COL5A2: variants seen among roughly 807,000 people sequenced by gnomAD.
The protein encoded by COL5A2 is collagen alpha-2(V) chain.
COL5A2 carries 23 observed loss-of-function variants against 208.2 expected under a neutral mutation model. The observed-to-expected ratio is 0.11, with a 90% CI of 0.08 to 0.16. The LOEUF (loss-of-function observed/expected upper bound fraction) is 0.16. COL5A2 is among the 10% of genes least tolerant of loss of function. The pLI is 1.00. For missense variants in COL5A2, 1,590 were observed against 1,956.4 expected (o/e 0.81, Z 3.53); for synonymous variants, 625 against 628.5 (o/e 0.99, Z 0.08).
chr2:189,311,302 T>C, the COL5A2 span: 3 of 1,272,412 alleles, frequency 2.4e-6, no homozygotes, highest in African/African-American at 2.9e-5. Context: ...CAGACACCAC[T>C]TGGCCATCCA....
At chr2:189,115,407 G>GAAAA (rs35939845) in intron 1 of COL5A2, among the ~76,000 whole-genome samples, 1 of 142,644 alleles carries the variant, frequency 7.0e-6, no homozygotes, top group South Asian at 2.3e-4. Flanking sequence ...ACCTGTGGGG[G>GAAAA]AAAAAAAAAA....
intron 11 of COL5A2, among the ~76,000 whole-genome samples, 183 bp from the exon 12 acceptor site, chr2:189,084,220 T>C (rs1227142827): frequency 6.6e-6 from 1 of 152,222 alleles, no homozygotes; most frequent in East Asian, 1.9e-4. Context: ...CTGATAGTAC[T>C]CCATTCTATC....
chr2:189,063,125 A>G (rs1686071294), intron 27 of COL5A2, 47 bp downstream of exon 27: 2 of 1,608,838 alleles, frequency 1.2e-6, no homozygotes, highest in East Asian at 2.2e-5. Flanking sequence ...ACCTCCTCCA[A>G]ATGAGGATCA....
chr2:189,420,101 A>G, the COL5A2 span, among the ~76,000 whole-genome samples: 34 of 146,358 alleles, frequency 2.3e-4, no homozygotes, highest in Non-Finnish European at 4.7e-4. Context: ...GGAAGGAAGG[A>G]AGGAAGGGAG....
chr2:189,138,919 C>T (rs1687878052), intron 1 of COL5A2, among the ~76,000 whole-genome samples: 1 of 152,174 alleles, frequency 6.6e-6, no homozygotes, highest in Non-Finnish European at 1.5e-5. Flanking sequence ...TAGAATAGGA[C>T]AAATCTCCTA....
the COL5A2 span, among the ~76,000 whole-genome samples, chr2:189,293,510 C>T: frequency 2.6e-5 from 4 of 152,126 alleles, no homozygotes; most frequent in Admixed American, 2.6e-4. Flanking sequence ...CTGCGTCTCC[C>T]CAGAATTGTG....
At chr2:189,150,243 A>C (rs1318498802) in intron 1 of COL5A2, among the ~76,000 whole-genome samples, 2 of 152,174 alleles carry the variant, frequency 1.3e-5, no homozygotes, top group African/African-American at 4.8e-5. Context: ...TGTTTACTGT[A>C]TTACAATCGT....
chr2:189,413,600 C>T, the COL5A2 span, among the ~76,000 whole-genome samples: 1 of 151,936 alleles, frequency 6.6e-6, no homozygotes, highest in Non-Finnish European at 1.5e-5. Flanking sequence ...GAACCTTTCA[C>T]AGCGAAGTAC....
the COL5A2 span, among the ~76,000 whole-genome samples, chr2:189,428,902 A>G: frequency 6.6e-6 from 1 of 152,232 alleles, no homozygotes; most frequent in East Asian, 1.9e-4. Context: ...CAACTTAAAA[A>G]GTCAATGTCA....
chr2:189,140,581 T>C (rs985879758), intron 1 of COL5A2, among the ~76,000 whole-genome samples: 5 of 152,188 alleles, frequency 3.3e-5, no homozygotes, highest in African/African-American at 1.2e-4. Flanking sequence ...AGAAAGAGAA[T>C]AGGGAAGTTG....
Position 189,207,244 on chromosome 2 carries a change from T to C in COL5A2, c.-42+17904A>G, listed in dbSNP as rs1157536341. Among the ~76,000 whole-genome samples the C allele has an allele frequency of 2.0e-5, 3 of 152,190 alleles. No homozygotes were observed. In the East Asian group the frequency reaches 5.8e-4, roughly 29 times the overall value. On this transcript the variant is annotated intron_variant, in intron 1 of 10. Transcript: ENST00000649966. ...AATTGGAGTTTCATATTATGGTATT[T>C]TCAAAAATTGGCTGCATTTTCTCAT... is the stretch of plus-strand genomic sequence containing the variant.
At chr2:189,258,727 C>T in the COL5A2 span, among the ~76,000 whole-genome samples, 1 of 151,916 alleles carries the variant, frequency 6.6e-6, no homozygotes, top group African/African-American at 2.4e-5. Flanking sequence ...CCTCTTTCAC[C>T]TAAAAGAGGA....
intron 53 of COL5A2, 110 bp from the exon 54 acceptor site, chr2:189,034,326 T>C: frequency 2.7e-6 from 3 of 1,122,800 alleles, no homozygotes; most frequent in South Asian, 1.3e-5. Flanking sequence ...ATTTTTAGAG[T>C]ACTACTTAAA....
upstream of COL5A2, among the ~76,000 whole-genome samples, chr2:189,226,089 CT>C (rs1405230117): frequency 5.9e-5 from 9 of 152,258 alleles, no homozygotes; most frequent in African/African-American, 1.9e-4. Flanking sequence ...CACATAAACA[CT>C]TCAGTTATGT....
intron 21 of COL5A2, 88 bp downstream of exon 21, chr2:189,067,927 G>A: frequency 9.2e-7 from 1 of 1,089,876 alleles, no homozygotes; most frequent in Non-Finnish European, 1.4e-6. Flanking sequence ...CGTTATCTAT[G>A]TTTCATTGCA....
intron 1 of COL5A2, among the ~76,000 whole-genome samples, chr2:189,112,285 G>T (rs918826643): frequency 1.3e-5 from 2 of 152,020 alleles, no homozygotes; most frequent in Non-Finnish European, 2.9e-5. Context: ...CATGAACTTT[G>T]TACTTCATAA....
chr2:189,065,022 A>G lies in COL5A2; in HGVS notation c.1599T>C (p.Asp533=). 6.2e-7 allele frequency: 1 copy of G among 1,613,888 alleles called. No homozygotes were observed. The highest frequency in any genetic ancestry group is 1.1e-5 in the South Asian group (1 of 91,042). Reference sequence around the variant, plus strand: ...ACCTCACCTTTGGCCCAGGTAAACCATCAGAGCCTGGAAAACCACGATTGC... The same window carrying G: ...ACCTCACCTTTGGCCCAGGTAAACCGTCAGAGCCTGGAAAACCACGATTGC... The part of the protein sequence containing the change: ...APGNRGFPGS[D]GLPGPKGAQG... Residue 533 remains aspartate, a synonymous_variant, in exon 24 of 54, where the codon GAT becomes GAC. Transcript: ENST00000374866.
upstream of COL5A2, among the ~76,000 whole-genome samples, chr2:189,229,242 GA>G (rs1401933717): frequency 6.6e-6 from 1 of 150,972 alleles, no homozygotes; most frequent in Non-Finnish European, 1.5e-5. Flanking sequence ...CCAAAATCAG[GA>G]AAAAAAGCAC....
At chr2:189,159,535 A>G (rs1342166990) in intron 1 of COL5A2, among the ~76,000 whole-genome samples, 1 of 152,120 alleles carries the variant, frequency 6.6e-6, no homozygotes, top group Non-Finnish European at 1.5e-5. Context: ...CTCAAAAGTC[A>G]TTTTTGGCTC....
Sources: allele counts gnomAD v4.1 joint callset (sites outside exome capture counted in the v4.1 genomes callset), GRCh38; gene constraint gnomAD v4.1.1; transcripts MANE v1.5; gene names NCBI Gene and HGNC (gene_info 2026-07-23, HGNC 2026-07-21).